NRF1: variants seen among roughly 807,000 people sequenced by gnomAD.
The protein encoded by NRF1 is nuclear respiratory factor 1.
In NRF1, 5 loss-of-function variants were observed where a neutral mutation model predicts 58.5. The ratio of observed to expected loss-of-function variants is 0.09; its 90% CI spans 0.04 to 0.18. The LOEUF (loss-of-function observed/expected upper bound fraction) is 0.18, where lower values mean the gene tolerates loss of function less well. NRF1 is among the 10% of genes least tolerant of loss of function. The probability of loss-of-function intolerance (pLI) is 1.00; values close to 1 mark genes in which losing one functional copy is unlikely to be tolerated. For missense variants in NRF1, 288 were observed against 657.7 expected (o/e 0.44, Z 6.15); for synonymous variants, 224 against 246.7 (o/e 0.91, Z 0.86).
chr7:129,707,096 C>T (rs968783147), intron 5 of NRF1, among the ~76,000 whole-genome samples: 2 of 152,102 alleles, frequency 1.3e-5, no homozygotes, highest in South Asian at 2.1e-4. Context: ...TGAGCTCAAG[C>T]GATCCTCCTG....
intron 1 of NRF1, among the ~76,000 whole-genome samples, chr7:129,630,747 T>G (rs1474240146): frequency 6.6e-6 from 1 of 152,170 alleles, no homozygotes; most frequent in Non-Finnish European, 1.5e-5. Flanking sequence ...GGGTAAATTG[T>G]CAGATTATTT....
intron 1 of NRF1, among the ~76,000 whole-genome samples, chr7:129,621,666 A>G (rs1382176345): frequency 6.6e-6 from 1 of 152,188 alleles, no homozygotes; most frequent in African/African-American, 2.4e-5. Context: ...TGCTAAGTCT[A>G]AAGAAGAAGT....
chr7:129,751,507 C>T (rs1290896451), intron 10 of NRF1, among the ~76,000 whole-genome samples: 2 of 152,242 alleles, frequency 1.3e-5, no homozygotes, highest in African/African-American at 2.4e-5. Flanking sequence ...GGCATGGGCC[C>T]ACATCATAGG....
chr7:129,654,177 G>A (rs1017424129), intron 1 of NRF1, among the ~76,000 whole-genome samples: 4 of 152,198 alleles, frequency 2.6e-5, no homozygotes, highest in South Asian at 2.1e-4. Context: ...AAATAGATGC[G>A]TAGTGATATC....
At chr7:129,613,062 T>A (rs538013201) in intron 1 of NRF1, among the ~76,000 whole-genome samples, 1 of 152,318 alleles carries the variant, frequency 6.6e-6, no homozygotes, top group East Asian at 1.9e-4. Flanking sequence ...CACATTTTTT[T>A]AAGTGTTCAG....
intron 1 of NRF1, among the ~76,000 whole-genome samples, chr7:129,626,948 T>G (rs1800932935): frequency 6.6e-6 from 1 of 152,252 alleles, no homozygotes; most frequent in Admixed American, 6.5e-5. Context: ...TATAAAAGAC[T>G]AGAGACATAG....
intron 9 of NRF1, among the ~76,000 whole-genome samples, chr7:129,720,514 C>CT (rs1204232475): frequency 1.3e-5 from 2 of 152,210 alleles, no homozygotes; most frequent in African/African-American, 4.8e-5. Flanking sequence ...AATCTGCCCT[C>CT]TTGCAGCTTG....
At chr7:129,650,289 G>A (rs148331651) in intron 1 of NRF1, among the ~76,000 whole-genome samples, 3 of 151,764 alleles carry the variant, frequency 2.0e-5, no homozygotes, top group Non-Finnish European at 2.9e-5. Flanking sequence ...ATGTATTGCC[G>A]GCGCTTTCGT....
intron 9 of NRF1, 60 bp from the exon 10 acceptor site, chr7:129,727,181 G>A (rs1803468166): frequency 1.3e-6 from 2 of 1,497,144 alleles, no homozygotes; most frequent in South Asian, 2.8e-5. Flanking sequence ...AGGATGGTTT[G>A]TCTTGGCTGC....
intron 5 of NRF1, among the ~76,000 whole-genome samples, chr7:129,699,862 G>A (rs185647860): frequency 3.1e-4 from 47 of 152,002 alleles, no homozygotes; most frequent in African/African-American, 1.1e-3. Context: ...GAAATAGGCC[G>A]GGCGCAGTGG....
At chr7:129,696,453 T>C (rs1802701550) in intron 5 of NRF1, among the ~76,000 whole-genome samples, 1 of 152,172 alleles carries the variant, frequency 6.6e-6, no homozygotes, top group African/African-American at 2.4e-5. Context: ...TCTGTGTGTG[T>C]GTATGTGTGT....
rs547604815 is a variant in NRF1 at position 129,710,206 on chromosome 7, AC to A, written c.766-167del. ...AGAAGCCCTCTTTGATACTTCGTAC[AC>A]AGCTTCTTTCTACCAGAACCAGTCT... On this transcript the variant is annotated intron_variant, in intron 6 of 10. Coordinates refer to ENST00000393232, the MANE Select transcript of NRF1 (RefSeq NM_005011.5). Among the ~76,000 whole-genome samples the A allele has an allele frequency of 2.0e-3, 310 of 152,312 alleles. 3 individuals carry two copies. Among genetic ancestry groups the A allele is most frequent in the African/African-American group, 6.7e-3 (278 of 41,572 alleles).
At chr7:129,701,987 C>G (rs1802835942) in intron 5 of NRF1, among the ~76,000 whole-genome samples, 1 of 152,008 alleles carries the variant, frequency 6.6e-6, no homozygotes, top group Non-Finnish European at 1.5e-5. Flanking sequence ...CAATATGGTA[C>G]CATTTGTGTT....
intron 1 of NRF1, chr7:129,641,648 G>A (rs1801290869): frequency 6.6e-6 from 1 of 152,058 alleles, no homozygotes; most frequent in Non-Finnish European, 1.5e-5. Context: ...AAATAATTTG[G>A]TATGTGCTTA....
At chr7:129,715,160 C>T (rs1458470498) in intron 8 of NRF1, among the ~76,000 whole-genome samples, 3 of 152,168 alleles carry the variant, frequency 2.0e-5, no homozygotes, top group Non-Finnish European at 4.4e-5. Context: ...GAGAATTGTA[C>T]TAAAATCAGT....
intron 1 of NRF1, among the ~76,000 whole-genome samples, chr7:129,646,522 C>A (rs767977148): frequency 6.6e-6 from 1 of 152,074 alleles, no homozygotes; most frequent in Non-Finnish European, 1.5e-5. Context: ...AAGAGAAGAA[C>A]CTGGAAGCTC....
intron 5 of NRF1, among the ~76,000 whole-genome samples, chr7:129,706,973 G>A (rs1423991789): frequency 2.0e-5 from 3 of 151,766 alleles, no homozygotes; most frequent in Non-Finnish European, 4.4e-5. Flanking sequence ...TCTGTCACCC[G>A]CTTTAGGATT....
chr7:129,719,805 A>G (rs1041620909), intron 9 of NRF1, among the ~76,000 whole-genome samples: 27 of 152,242 alleles, frequency 1.8e-4, no homozygotes, highest in African/African-American at 5.8e-4. Context: ...CCTTTAGTCC[A>G]GTAACACCCC....
In NRF1 at chr7:129,628,905, TATTA is replaced by T. The variant is rs1172894690; in HGVS notation, c.-7+17085_-7+17088del. ...CATCATCTATTGGTAATTTGGAAAA[TATTA>T]ATTCATCAAGTTTATGGAGATCTTT... is the stretch of plus-strand genomic sequence containing the variant. On this transcript the variant is annotated intron_variant, in intron 1 of 10. Transcript: ENST00000393232. 1.6e-4 allele frequency among the ~76,000 whole-genome samples: 25 copies of T among 152,200 alleles called. 1 individual carries two copies. Among genetic ancestry groups the T allele is most frequent in the Admixed American group, 1.3e-3 (20 of 15,284 alleles).
Sources: allele counts gnomAD v4.1 joint callset (sites outside exome capture counted in the v4.1 genomes callset), GRCh38; gene constraint gnomAD v4.1.1; transcripts MANE v1.5; gene names NCBI Gene and HGNC (gene_info 2026-07-23, HGNC 2026-07-21).